MGAT5: variants seen among roughly 807,000 people sequenced by gnomAD.
MGAT5 encodes alpha-1,6-mannosylglycoprotein 6-beta-N-acetylglucosaminyltransferase A.
Under a neutral mutation model 94.3 loss-of-function variants are expected in MGAT5, and 30 were observed. The observed-to-expected ratio is 0.32, with a 90% confidence interval of 0.24 to 0.43. The LOEUF (loss-of-function observed/expected upper bound fraction) is 0.43, where lower values mean the gene tolerates loss of function less well. Ranked by LOEUF, MGAT5 falls within the 20% of genes least tolerant of loss-of-function variation. MGAT5 has a pLI of 1.00. For synonymous variants in MGAT5, 310 were observed against 322.9 expected (o/e 0.96, Z 0.43); for missense variants, 691 against 905.5 (o/e 0.76, Z 3.04).
intron 14 of MGAT5, 100 bp downstream of exon 14, chr2:134,428,539 C>A: frequency 1.8e-6 from 2 of 1,088,482 alleles, no homozygotes; most frequent in Non-Finnish European, 2.7e-6. Context: ...GTTTCTGTGG[C>A]TATTTTCCTG....
intron 1 of MGAT5, among the ~76,000 whole-genome samples, chr2:134,181,015 TTAAGTG>T (rs1688709307): frequency 6.6e-6 from 1 of 152,244 alleles, no homozygotes; most frequent in Non-Finnish European, 1.5e-5. Flanking sequence ...CTTTGTGTGT[TTAAGTG>T]TATTTATTTG....
intron 10 of MGAT5, among the ~76,000 whole-genome samples, chr2:134,376,305 C>T (rs927646083): frequency 1.4e-4 from 21 of 152,124 alleles, no homozygotes; most frequent in African/African-American, 5.1e-4. Flanking sequence ...TCCTTTTCTC[C>T]TTCTTCCCCT....
intron 1 of MGAT5, among the ~76,000 whole-genome samples, chr2:134,166,174 G>C (rs116686498): frequency 6.6e-6 from 1 of 152,184 alleles, no homozygotes; most frequent in South Asian, 2.1e-4. Context: ...TGAGCCAGGA[G>C]TGCTGAGATG....
chr2:134,229,484 T>G (rs1412928225), intron 1 of MGAT5, among the ~76,000 whole-genome samples: 1 of 152,244 alleles, frequency 6.6e-6, no homozygotes, highest in East Asian at 1.9e-4. Flanking sequence ...ATAAGATCTT[T>G]GCCGTGTTTA....
At chr2:134,218,202 T>A (rs1219183889) in intron 1 of MGAT5, among the ~76,000 whole-genome samples, 1 of 152,214 alleles carries the variant, frequency 6.6e-6, no homozygotes, top group Non-Finnish European at 1.5e-5. Flanking sequence ...GATCTTGATG[T>A]ATCTCGACTT....
At chr2:134,309,752 G>A (rs530091143) in intron 2 of MGAT5, among the ~76,000 whole-genome samples, 1 of 152,254 alleles carries the variant, frequency 6.6e-6, no homozygotes, top group African/African-American at 2.4e-5. Flanking sequence ...TGTATGTATA[G>A]CATTCTTATA....
chr2:134,436,433 G>A (rs1204284419), intron 14 of MGAT5, among the ~76,000 whole-genome samples: 1 of 152,160 alleles, frequency 6.6e-6, no homozygotes, highest in Non-Finnish European at 1.5e-5. Context: ...GGGAGCACCA[G>A]AAAGGGTTCC....
chr2:134,152,899 C>CTTT lies in MGAT5; in HGVS notation c.-143+32628_-143+32630dup, dbSNP rs35135371. Among the ~76,000 whole-genome samples, 406 of 117,156 alleles carry CTTT rather than the reference C, an allele frequency of 3.5e-3. 1 individual carries two copies. The highest frequency in any genetic ancestry group is 4.3e-3 in the African/African-American group (123 of 28,522). 76.9% of individuals were successfully genotyped at this position (117,156 alleles called of 152,430 possible). Reference sequence around the variant, plus strand: ...ATACCCTTTCCAGGCATGGAGTCCACTTTTTTTTTTTTTTTTTTTTTTGAG... The same window carrying CTTT: ...ATACCCTTTCCAGGCATGGAGTCCACTTTTTTTTTTTTTTTTTTTTTTTTTGAG... On this transcript the variant is annotated intron_variant, in intron 1 of 16. Transcript: ENST00000409645.
chr2:134,139,681 T>C (rs1440988827), intron 1 of MGAT5, among the ~76,000 whole-genome samples: 1 of 152,216 alleles, frequency 6.6e-6, no homozygotes, highest in Non-Finnish European at 1.5e-5. Flanking sequence ...TCATGTTCTC[T>C]TGCAGCCTTC....
chr2:134,330,368 C>A lies in MGAT5; in HGVS notation c.574-5849C>A, dbSNP rs149689263. On this transcript the variant is annotated intron_variant, in intron 4 of 15. Coordinates refer to ENST00000281923, the MANE Select transcript of MGAT5 (RefSeq NM_002410.5). ...ACTGAAATAGGTCTCTTATCCCTCA[C>A]TAAGCTTGGCCTAAAGGTAACTCTA... Among the ~76,000 whole-genome samples, 68 of 152,246 alleles carry A rather than the reference C, an allele frequency of 4.5e-4. No homozygotes were observed. In the East Asian group the frequency reaches 0.01, roughly 23 times the overall value.
chr2:134,196,000 A>G (rs1273860935), intron 1 of MGAT5, among the ~76,000 whole-genome samples: 2 of 152,214 alleles, frequency 1.3e-5, no homozygotes. Flanking sequence ...CAAAAATTCC[A>G]GGGTAAAAAG....
chr2:134,264,340 A>G (rs1026136521), intron 1 of MGAT5, among the ~76,000 whole-genome samples: 1 of 152,104 alleles, frequency 6.6e-6, no homozygotes, highest in African/African-American at 2.4e-5. Flanking sequence ...AGTATTTTTG[A>G]TGACTGTATA....
At chr2:134,350,205 T>C (rs2106049329) in intron 9 of MGAT5, among the ~76,000 whole-genome samples, 1 of 152,320 alleles carries the variant, frequency 6.6e-6, no homozygotes, top group African/African-American at 2.4e-5. Flanking sequence ...AGAAACTATT[T>C]GGGAAAGGAC....
intron 10 of MGAT5, among the ~76,000 whole-genome samples, chr2:134,396,812 C>T (rs921911945): frequency 5.3e-5 from 8 of 152,238 alleles, no homozygotes; most frequent in Non-Finnish European, 1.2e-4. Context: ...CAGTTCCAGC[C>T]ATCTGGGAAC....
intron 1 of MGAT5, among the ~76,000 whole-genome samples, chr2:134,133,408 A>G (rs1244127328): frequency 6.6e-6 from 1 of 152,230 alleles, no homozygotes; most frequent in East Asian, 1.9e-4. Flanking sequence ...GCTGAGGCAG[A>G]AAAACTTCAG....
At chr2:134,153,792 C>T (rs371079124) in intron 1 of MGAT5, among the ~76,000 whole-genome samples, 52 of 152,194 alleles carry the variant, frequency 3.4e-4, no homozygotes, top group East Asian at 9.7e-4. Context: ...CTATACTTCT[C>T]GAGCAGTGTT....
intron 10 of MGAT5, among the ~76,000 whole-genome samples, chr2:134,381,386 A>ATAAGATAAGATAGAT (rs1558841756): frequency 1.7e-4 from 16 of 95,390 alleles, no homozygotes; most frequent in South Asian, 7.4e-4. Context: ...GATAGATTAG[A>ATAAGATAAGATAGAT]TAGATAGATA....
At chr2:134,137,415 G>T (rs1019289525) in intron 1 of MGAT5, among the ~76,000 whole-genome samples, 2 of 152,184 alleles carry the variant, frequency 1.3e-5, no homozygotes, top group Non-Finnish European at 2.9e-5. Flanking sequence ...TGAGAGTGGA[G>T]TCAGCCCTTT....
At chr2:134,243,216 A>C (rs920674714) in intron 1 of MGAT5, among the ~76,000 whole-genome samples, 7 of 152,194 alleles carry the variant, frequency 4.6e-5, no homozygotes, top group Middle Eastern at 3.4e-3. Context: ...GCCACACCTG[A>C]GACAAAGTAA....
Sources: gnomAD v4.1 joint callset for allele counts (sites outside exome capture counted in the v4.1 genomes callset) on GRCh38, gnomAD v4.1.1 for gene constraint, MANE v1.5 for transcripts, NCBI Gene and HGNC (gene_info 2026-07-23, HGNC 2026-07-21) for gene names.